The following EIF2B3 variants were observed in gnomAD, a reference collection of about 807,000 sequenced individuals.
EIF2B3 encodes eukaryotic translation initiation factor 2B subunit gamma.
A neutral mutation model predicts 54.1 loss-of-function variants in EIF2B3; 20 were observed. That is an observed-to-expected ratio of 0.37 (90% CI 0.26 to 0.54). EIF2B3 has a LOEUF of 0.54. Ranked by LOEUF, EIF2B3 falls within the 20% of genes least tolerant of loss-of-function variation. The pLI, the probability that EIF2B3 is intolerant of heterozygous loss-of-function variation, is 0.86. For missense variants in EIF2B3, 448 were observed against 547.8 expected (o/e 0.82, Z 1.82); for synonymous variants, 153 against 188.1 (o/e 0.81, Z 1.52).
Position 44,850,683 on chromosome 1 carries a change from C to T in EIF2B3, c.*268G>A, listed in dbSNP as rs1302060632. On this transcript the variant is annotated 3_prime_UTR_variant, in exon 12 of 12. Transcript: ENST00000360403. ...TTTACATTGGACAGCTGCTGCCCCA[C>T]CGATACATCTTGGCACACAAGAGTT... is the stretch of plus-strand genomic sequence containing the variant. 6.0e-5 allele frequency: 32 copies of T among 532,964 alleles called. No homozygotes were observed. The Admixed American group carries it at 1.0e-3, about 17-fold the overall frequency. 33.0% of individuals were successfully genotyped at this position (532,964 alleles called of 1,614,324 possible). A position where few individuals can be genotyped will look rare whatever the true frequency, so the allele number is the denominator to read the frequency against.
At chr1:44,893,394 A>G (rs1655864967) in intron 6 of EIF2B3, among the ~76,000 whole-genome samples, 1 of 152,202 alleles carries the variant, frequency 6.6e-6, no homozygotes, top group South Asian at 2.1e-4. Flanking sequence ...TACTCTTTCA[A>G]GTGCAAATCA....
intron 5 of EIF2B3, among the ~76,000 whole-genome samples, chr1:44,911,642 C>T (rs1209101353): frequency 2.6e-5 from 4 of 152,196 alleles, no homozygotes; most frequent in South Asian, 2.1e-4. Context: ...ACAACCTCCA[C>T]CCACCCTTTA....
At chr1:44,933,886 G>A (rs1643919071) in intron 4 of EIF2B3, among the ~76,000 whole-genome samples, 1 of 152,128 alleles carries the variant, frequency 6.6e-6, no homozygotes, top group Non-Finnish European at 1.5e-5. Context: ...ACTTTGGGAG[G>A]CCGAGGCGGG....
intron 10 of EIF2B3, among the ~76,000 whole-genome samples, chr1:44,868,656 G>T (rs1382024149): frequency 2.6e-5 from 4 of 152,096 alleles, no homozygotes; most frequent in African/African-American, 9.7e-5. Context: ...CAGAAGGGCA[G>T]GGAAAGGTTG....
At chr1:44,914,814 A>T (rs1385346827) in intron 5 of EIF2B3, among the ~76,000 whole-genome samples, 3 of 151,928 alleles carry the variant, frequency 2.0e-5, no homozygotes, top group African/African-American at 7.2e-5. Flanking sequence ...TCAGCCTCCC[A>T]AGTGGCTGGG....
chr1:44,928,508 T>C (rs1186119646), intron 4 of EIF2B3, among the ~76,000 whole-genome samples: 1 of 151,924 alleles, frequency 6.6e-6, no homozygotes, highest in African/African-American at 2.4e-5. Context: ...TCGTTTTTTT[T>C]TTTTTTAAAG....
Position 44,882,932 on chromosome 1 carries a change from T to TTC in EIF2B3, c.657-1194_657-1193insGA, listed in dbSNP as rs1426811460. ...GCCTGACTTTTTTTTCTTTTTCTTTTTTTTTTTTTTTTTTTGAGATGGAGT... is the reference window on the plus strand; with the variant it reads ...GCCTGACTTTTTTTTCTTTTTCTTTTTCTTTTTTTTTTTTTTTGAGATGGAGT... On this transcript the variant is annotated intron_variant, in intron 6 of 11. Transcript: ENST00000360403. 4.8e-4 allele frequency among the ~76,000 whole-genome samples: 69 copies of TTC among 142,670 alleles called. 2 individuals are homozygous for TTC. Among genetic ancestry groups the TTC allele is most frequent in the Admixed American group, 1.0e-3 (15 of 14,364 alleles). 93.6% of individuals were successfully genotyped at this position (142,670 alleles called of 152,430 possible).
intron 5 of EIF2B3, among the ~76,000 whole-genome samples, chr1:44,900,406 C>T (rs1482891114): frequency 7.2e-6 from 1 of 138,344 alleles, no homozygotes; most frequent in African/African-American, 2.7e-5. Flanking sequence ...GATAACATGC[C>T]ACTGCACTCC....
intron 4 of EIF2B3, among the ~76,000 whole-genome samples, chr1:44,934,649 C>A (rs565009574): frequency 6.6e-6 from 1 of 152,054 alleles, no homozygotes; most frequent in East Asian, 1.9e-4. Context: ...GGATTACAGG[C>A]ACCCACCACC....
chr1:44,925,701 TGGACTACGGGTCA>T (rs1393486113), intron 5 of EIF2B3, among the ~76,000 whole-genome samples: 1 of 148,376 alleles, frequency 6.7e-6, no homozygotes, highest in Non-Finnish European at 1.5e-5. Context: ...CTGAGGCGGG[TGGACTACGGGTCA>T]GGAGTTCAAT....
chr1:44,968,317 G>A lies in EIF2B3; in HGVS notation c.294+9998C>T, dbSNP rs75540953. On this transcript the variant is annotated intron_variant, in intron 3 of 11. Coordinates refer to ENST00000360403, the MANE Select transcript of EIF2B3 (RefSeq NM_020365.5). ...GGAGGTCAGGGCTGAAGTGAGTCACGTTCGGCAACACTCCAGCCTGGGCGA... is the reference window on the plus strand; with the variant it reads ...GGAGGTCAGGGCTGAAGTGAGTCACATTCGGCAACACTCCAGCCTGGGCGA... 4.3e-3 allele frequency among the ~76,000 whole-genome samples: 647 copies of A among 149,388 alleles called. 3 individuals are homozygous for A. The highest frequency in any genetic ancestry group is 7.2e-3 in the East Asian group (36 of 5,034).
chr1:44,906,756 G>C (rs1056141778), intron 5 of EIF2B3, among the ~76,000 whole-genome samples: 1 of 152,126 alleles, frequency 6.6e-6, no homozygotes. Flanking sequence ...AGGTTCAACA[G>C]CTGGGCAAAT....
chr1:44,978,469 CA>C lies in EIF2B3; in HGVS notation c.149-10del. The C allele has an allele frequency of 6.2e-7, 1 of 1,608,470 alleles. No homozygotes were observed. ...TGTAACCACAATGACTTCTATAGGA[CA>C]AAAGAAAAAAAGAAAGAAAAACAAA... is the stretch of plus-strand genomic sequence containing the variant. On this transcript the variant is annotated splice_polypyrimidine_tract_variant and intron_variant, in intron 2 of 11. Transcript: ENST00000360403.
In EIF2B3 at chr1:44,926,723, G is replaced by A; in HGVS notation, c.471C>T (p.Phe157=). ...GKKKAVEQRD[F]IGVDSTGKRL... Reference sequence around the variant, plus strand: ...TCTTTCCTGTGCTGTCCACTCCAATGAAGTCACGCTGCTCCACTGAATCAT... The same window carrying A: ...TCTTTCCTGTGCTGTCCACTCCAATAAAGTCACGCTGCTCCACTGAATCAT... Residue 157 remains phenylalanine, a synonymous_variant, in exon 5 of 12, where the codon TTC becomes TTT. Transcript: ENST00000360403. The A allele has an allele frequency of 6.8e-6, 11 of 1,613,382 alleles. No individual in the cohort carries two copies. The highest frequency in any genetic ancestry group is 9.3e-6 in the Non-Finnish European group (11 of 1,179,894).
chr1:44,913,101 GTTTTT>G (rs1643547144), intron 5 of EIF2B3, among the ~76,000 whole-genome samples: 1 of 118,228 alleles, frequency 8.5e-6, no homozygotes, highest in Non-Finnish European at 1.7e-5. Flanking sequence ...AGCAATTGCG[GTTTTT>G]GTTAAAAAAA....
intron 6 of EIF2B3, among the ~76,000 whole-genome samples, chr1:44,883,909 A>T (rs1411717652): frequency 1.3e-5 from 2 of 151,924 alleles, no homozygotes; most frequent in Non-Finnish European, 2.9e-5. Flanking sequence ...TGCAATCACA[A>T]CTCACTGCAG....
chr1:44,966,488 T>C (rs945961307), intron 3 of EIF2B3, among the ~76,000 whole-genome samples: 40 of 142,078 alleles, frequency 2.8e-4, no homozygotes, highest in Non-Finnish European at 5.6e-4. Flanking sequence ...TAAATAGAAA[T>C]TGCCAGGAGT....
Position 44,879,835 on chromosome 1 carries a change from T to A in EIF2B3, c.958A>T (p.Met320Leu). 1.2e-6 allele frequency: 2 copies of A among 1,614,008 alleles called. No individual in the cohort carries two copies. Among genetic ancestry groups the A allele is most frequent in the Non-Finnish European group, 1.7e-6 (2 of 1,180,032 alleles). The change falls in exon 8 of 12, where the codon ATG becomes TTG. Residue 320 changes from methionine (M) to leucine (L), a missense_variant. Physicochemically the swap from Met to Leu is conservative, Grantham distance 15 (BLOSUM62 2). Coordinates refer to ENST00000360403, the MANE Select transcript of EIF2B3 (RefSeq NM_020365.5). Reference protein sequence around the residue: ...CSRVSTLGLYMEANRQVPKLL... With the variant: ...CSRVSTLGLYLEANRQVPKLL... Reference sequence around the variant, plus strand: ...GCTCTCACCTGTCTGTTTGCTTCCATGTAGAGTCCCAGTGTGCTCACTCGA... The same window carrying A: ...GCTCTCACCTGTCTGTTTGCTTCCAAGTAGAGTCCCAGTGTGCTCACTCGA...
intron 3 of EIF2B3, chr1:44,958,999 A>C: frequency 1.4e-6 from 1 of 737,768 alleles, no homozygotes; most frequent in South Asian, 1.5e-5. Context: ...TCCATGAAGA[A>C]AGTGCTAGAA....
Sources: gnomAD v4.1 joint callset for allele counts (sites outside exome capture counted in the v4.1 genomes callset) on GRCh38, gnomAD v4.1.1 for gene constraint, MANE v1.5 for transcripts, NCBI Gene and HGNC (gene_info 2026-07-23, HGNC 2026-07-21) for gene names.